The following FAR2 variants were observed in gnomAD, a reference collection of about 807,000 sequenced individuals.
FAR2 encodes epididymis secretory protein Li 81.
FAR2 carries 19 observed loss-of-function variants against 56.0 expected under a neutral mutation model. The ratio of observed to expected loss-of-function variants is 0.34; its 90% confidence interval spans 0.24 to 0.50. The LOEUF (loss-of-function observed/expected upper bound fraction) is 0.50, where lower values mean the gene tolerates loss of function less well. FAR2 is among the 20% of genes least tolerant of loss of function. FAR2 has a pLI of 0.98. For synonymous variants in FAR2, 219 were observed against 218.8 expected (o/e 1.00, Z -0.01); for missense variants, 508 against 642.2 (o/e 0.79, Z 2.26).
chr12:29,297,442 C>T (rs61266010), intron 4 of FAR2, among the ~76,000 whole-genome samples: 1 of 152,172 alleles, frequency 6.6e-6, no homozygotes, highest in Non-Finnish European at 1.5e-5. Context: ...GCATGAGGTA[C>T]TTGGGAATAC....
chr12:29,170,949 G>A (rs536713474), intron 1 of FAR2, among the ~76,000 whole-genome samples: 1 of 152,342 alleles, frequency 6.6e-6, no homozygotes, highest in Non-Finnish European at 1.5e-5. Context: ...GTATTTAATG[G>A]GGGTTCCCCC....
intron 1 of FAR2, among the ~76,000 whole-genome samples, chr12:29,230,777 T>G (rs1947846516): frequency 6.6e-6 from 1 of 152,060 alleles, no homozygotes; most frequent in African/African-American, 2.4e-5. Flanking sequence ...ATCTTTGGAT[T>G]AAAGAACTCA....
chr12:29,155,787 A>G (rs1157798050), intron 1 of FAR2, among the ~76,000 whole-genome samples: 1 of 152,118 alleles, frequency 6.6e-6, no homozygotes, highest in Middle Eastern at 3.2e-3. Flanking sequence ...TTTAAATCCT[A>G]ATATATTTAC....
chr12:29,316,720 T>C (rs1384426497), intron 8 of FAR2, 121 bp from the exon 9 acceptor site: 7 of 980,070 alleles, frequency 7.1e-6, no homozygotes, highest in East Asian at 2.4e-5. Context: ...CAGAAATTGA[T>C]TCTTGACTCT....
intron 10 of FAR2, among the ~76,000 whole-genome samples, chr12:29,330,350 C>T (rs996067908): frequency 6.6e-6 from 1 of 152,132 alleles, no homozygotes; most frequent in Non-Finnish European, 1.5e-5. Flanking sequence ...AGCCACCACG[C>T]CTGGCCCATT....
At chr12:29,193,310 T>C (rs1359796306) in intron 1 of FAR2, among the ~76,000 whole-genome samples, 1 of 152,214 alleles carries the variant, frequency 6.6e-6, no homozygotes, top group African/African-American at 2.4e-5. Context: ...TTCTATAGGT[T>C]TGGGCAAATG....
At chr12:29,209,294 A>G (rs975221082) in intron 1 of FAR2, among the ~76,000 whole-genome samples, 1 of 152,114 alleles carries the variant, frequency 6.6e-6, no homozygotes, top group Non-Finnish European at 1.5e-5. Flanking sequence ...GTGTATTCCT[A>G]TGCTTAAAGT....
chr12:29,311,265 T>G lies in FAR2; in HGVS notation c.887+119T>G, dbSNP rs1167877384. On this transcript the variant is annotated intron_variant, in intron 7 of 11. Transcript: ENST00000536681. ...GACCCCAAATGTGTGAAAGTGCGTATTTCAATATTTTATAGAGTTCCTAAT... is the reference window on the plus strand; with the variant it reads ...GACCCCAAATGTGTGAAAGTGCGTAGTTCAATATTTTATAGAGTTCCTAAT... 7 of 684,496 alleles carry G rather than the reference T, an allele frequency of 1.0e-5. No individual in the cohort carries two copies. In the South Asian group the frequency reaches 1.3e-4, roughly 12 times the overall value. 42.4% of individuals were successfully genotyped at this position (684,496 alleles called of 1,614,324 possible). A position where few individuals can be genotyped will look rare whatever the true frequency, so the allele number is the denominator to read the frequency against.
intron 1 of FAR2, among the ~76,000 whole-genome samples, chr12:29,216,079 A>G (rs558177563): frequency 2.2e-4 from 34 of 152,306 alleles, no homozygotes; most frequent in African/African-American, 7.9e-4. Context: ...ATTAAGCAAG[A>G]TATTACCCAG....
chr12:29,295,146 C>T (rs1448354480), intron 3 of FAR2, among the ~76,000 whole-genome samples: 1 of 152,102 alleles, frequency 6.6e-6, no homozygotes, highest in African/African-American at 2.4e-5. Context: ...GATCTTGGCT[C>T]ACTGCAACCT....
chr12:29,303,335 GTCT>G (rs1949206602), intron 4 of FAR2, among the ~76,000 whole-genome samples: 1 of 152,196 alleles, frequency 6.6e-6, no homozygotes, highest in African/African-American at 2.4e-5. Context: ...TCACTGAGCA[GTCT>G]TCATTTGAAA....
chr12:29,324,976 A>C (rs550089467), intron 10 of FAR2, among the ~76,000 whole-genome samples: 56 of 146,976 alleles, frequency 3.8e-4, no homozygotes, highest in Middle Eastern at 3.4e-3. Context: ...AGAGTCAAGA[A>C]CCATCAGTGT....
At chr12:29,231,792 G>A (rs534096579) in intron 1 of FAR2, among the ~76,000 whole-genome samples, 1 of 152,226 alleles carries the variant, frequency 6.6e-6, no homozygotes, top group South Asian at 2.1e-4. Flanking sequence ...CAAACATAAT[G>A]TACACCTACC....
At chr12:29,194,872 C>T (rs1166262214) in intron 1 of FAR2, among the ~76,000 whole-genome samples, 6 of 152,130 alleles carry the variant, frequency 3.9e-5, no homozygotes, top group Non-Finnish European at 8.8e-5. Flanking sequence ...TGGAGTCAGA[C>T]TCTATTGCAC....
chr12:29,169,557 C>T (rs955222503), intron 1 of FAR2, among the ~76,000 whole-genome samples: 1 of 152,206 alleles, frequency 6.6e-6, no homozygotes, highest in Non-Finnish European at 1.5e-5. Flanking sequence ...TGTCTGATTT[C>T]AGAAGCCTTT....
At chr12:29,187,041 G>T (rs541232331) in intron 1 of FAR2, among the ~76,000 whole-genome samples, 1 of 152,100 alleles carries the variant, frequency 6.6e-6, no homozygotes, top group African/African-American at 2.4e-5. Context: ...GCCCACCTCG[G>T]CCTCCCAAAG....
Position 29,214,437 on chromosome 12 carries a change from G to A in FAR2, c.-38-55975G>A, listed in dbSNP as rs138843012. Among the ~76,000 whole-genome samples, 68 of 152,274 alleles carry A rather than the reference G, an allele frequency of 4.5e-4. No individual in the cohort carries two copies. In the East Asian group the frequency reaches 7.1e-3, roughly 16 times the overall value. On this transcript the variant is annotated intron_variant, in intron 1 of 11. Transcript: ENST00000536681. ...TGAGACAGACGATGTTTCTGTCCTC[G>A]TGGAACTTACATTATTTAAGGAAAG...
chr12:29,302,437 G>GGA (rs1191072298), intron 4 of FAR2, among the ~76,000 whole-genome samples: 5 of 152,168 alleles, frequency 3.3e-5, no homozygotes, highest in African/African-American at 1.2e-4. Context: ...TAGGTGAGAT[G>GGA]TGCACACGTG....
At chr12:29,181,910 G>A (rs1949995448) in intron 1 of FAR2, among the ~76,000 whole-genome samples, 1 of 152,170 alleles carries the variant, frequency 6.6e-6, no homozygotes, top group Non-Finnish European at 1.5e-5. Flanking sequence ...TATAAATGGA[G>A]GTTAAAGATG....
Sources: allele counts gnomAD v4.1 joint callset (sites outside exome capture counted in the v4.1 genomes callset), GRCh38; gene constraint gnomAD v4.1.1; transcripts MANE v1.5; gene names NCBI Gene and HGNC (gene_info 2026-07-23, HGNC 2026-07-21).